ZPLD1: variants seen among roughly 807,000 people sequenced by gnomAD.
ZPLD1 encodes the protein zona pellucida like domain containing 1, also known as zona pellucida-like domain-containing protein 1.
A neutral mutation model predicts 47.2 loss-of-function variants in ZPLD1; 34 were observed. The ratio of observed to expected loss-of-function variants is 0.72; its 90% CI spans 0.55 to 0.96. ZPLD1 has a LOEUF of 0.96. Among genes scored for constraint, ZPLD1 ranks in the 40% least tolerant of loss-of-function variants. The probability of loss-of-function intolerance (pLI) is 0.00; values close to 1 mark genes in which losing one functional copy is unlikely to be tolerated. For missense variants in ZPLD1, 512 were observed against 505.8 expected (o/e 1.01, Z -0.12); for synonymous variants, 176 against 186.2 (o/e 0.95, Z 0.45).
chr3:102,389,706 T>C (rs1159834192), intron 6 of ZPLD1, among the ~76,000 whole-genome samples: 1 of 152,152 alleles, frequency 6.6e-6, no homozygotes, highest in African/African-American at 2.4e-5. Context: ...AGCTTTCTGG[T>C]TGTATAGCTT....
At chr3:102,403,712 A>T (rs1706650371) in intron 7 of ZPLD1, among the ~76,000 whole-genome samples, 1 of 151,942 alleles carries the variant, frequency 6.6e-6, no homozygotes, top group South Asian at 2.1e-4. Context: ...TAACTGTGGA[A>T]GTTGAAGTCA....
In ZPLD1 at chr3:102,479,236, G is replaced by A. The variant is rs941271231; in HGVS notation, c.*1618G>A. ...AAAAAGCCAATCTACTCTTCCCTGTGTTACTTTAAAATAACTTTGAAGTGA... is the reference window on the plus strand; with the variant it reads ...AAAAAGCCAATCTACTCTTCCCTGTATTACTTTAAAATAACTTTGAAGTGA... On this transcript the variant is annotated 3_prime_UTR_variant, in exon 12 of 12. Coordinates refer to ENST00000466937, the MANE Select transcript of ZPLD1 (RefSeq NM_001329788.2). The A allele has an allele frequency of 6.6e-6, 1 of 152,108 alleles. No homozygotes were observed. Among genetic ancestry groups the A allele is most frequent in the African/African-American group, 2.4e-5 (1 of 41,422 alleles). 9.4% of individuals were successfully genotyped at this position (152,108 alleles called of 1,614,324 possible).
rs539097445 is a variant in ZPLD1 at position 102,435,073 on chromosome 3, G to T, written c.-204G>T. The T allele has an allele frequency of 1.2e-6, 2 of 1,611,044 alleles. No homozygotes were observed. The highest frequency in any genetic ancestry group is 1.7e-6 in the Non-Finnish European group (2 of 1,177,276). On this transcript the variant is annotated 5_prime_UTR_variant, in exon 1 of 12. It adds an upstream start codon to the 5' untranslated region. Coordinates refer to ENST00000466937, the MANE Select transcript of ZPLD1 (RefSeq NM_001329788.2). ...CAATTCAATTTCAGAAAAGTATTTA[G>T]GGACTGTGCTAAAATAGCATCTCCA...
chr3:102,452,158 C>A (rs1449586835), intron 3 of ZPLD1, among the ~76,000 whole-genome samples: 1 of 144,434 alleles, frequency 6.9e-6, no homozygotes, highest in Non-Finnish European at 1.5e-5. Flanking sequence ...TGTGTGTGTG[C>A]TCACTTCTAT....
chr3:102,438,461 A>G lies in ZPLD1; in HGVS notation c.-8-19A>G, dbSNP rs1326154496. The G allele has an allele frequency of 6.3e-7, 1 of 1,580,756 alleles. No individual in the cohort carries two copies. The highest frequency in any genetic ancestry group is 8.7e-7 in the Non-Finnish European group (1 of 1,149,562). On this transcript the variant is annotated intron_variant, in intron 2 of 11. Transcript: ENST00000466937. ...GGAGTTAAGTGGGAGTGTCCACATGATAGATATCTCTTTTCCAGGTTTTGC... is the reference window on the plus strand; with the variant it reads ...GGAGTTAAGTGGGAGTGTCCACATGGTAGATATCTCTTTTCCAGGTTTTGC...
chr3:102,391,487 C>T (rs1027392646), intron 6 of ZPLD1, among the ~76,000 whole-genome samples: 4 of 151,872 alleles, frequency 2.6e-5, no homozygotes, highest in Non-Finnish European at 2.9e-5. Flanking sequence ...TTCTGAATCT[C>T]GGTATAAAAA....
intron 7 of ZPLD1, among the ~76,000 whole-genome samples, chr3:102,414,021 C>T (rs933548374): frequency 1.1e-4 from 16 of 151,624 alleles, no homozygotes; most frequent in Non-Finnish European, 2.1e-4. Context: ...GGAGAGGAGG[C>T]GAGCTGTGTG....
chr3:102,386,452 A>C (rs1706426585), intron 6 of ZPLD1, among the ~76,000 whole-genome samples: 1 of 152,078 alleles, frequency 6.6e-6, no homozygotes, highest in Non-Finnish European at 1.5e-5. Context: ...AGGCAAATTT[A>C]TTTTTGTATT....
chr3:102,472,095 C>T (rs1295374765), intron 10 of ZPLD1, among the ~76,000 whole-genome samples: 1 of 152,184 alleles, frequency 6.6e-6, no homozygotes, highest in Non-Finnish European at 1.5e-5. Flanking sequence ...AATTACTTTC[C>T]TCCCTGTGTT....
chr3:102,453,275 T>C, intron 4 of ZPLD1, 136 bp downstream of exon 4: 1 of 775,006 alleles, frequency 1.3e-6, no homozygotes, highest in Non-Finnish European at 2.0e-6. Context: ...CTTTGCCTGT[T>C]TGAGGCATGC....
In ZPLD1 at chr3:102,477,802, A is replaced by C; in HGVS notation, c.*184A>C. 1 of 494,584 alleles carries C rather than the reference A, an allele frequency of 2.0e-6. No homozygotes were observed. Among genetic ancestry groups the C allele is most frequent in the African/African-American group, 2.0e-5 (1 of 50,178 alleles). 30.6% of individuals were successfully genotyped at this position (494,584 alleles called of 1,614,324 possible). ...GTTTATTATATTGCTATTGTCACTT[A>C]TGTACGTGGCGAGCCGTATTTTTAT... On this transcript the variant is annotated 3_prime_UTR_variant, in exon 12 of 12. Transcript: ENST00000466937.
chr3:102,434,179 G>A (rs2107316881), upstream of ZPLD1, among the ~76,000 whole-genome samples: 1 of 152,110 alleles, frequency 6.6e-6, no homozygotes, highest in East Asian at 1.9e-4. Context: ...GTAATTAGTT[G>A]AATATTAAAC....
At chr3:102,422,385 G>C (rs1706891162) in intron 8 of ZPLD1, among the ~76,000 whole-genome samples, 1 of 152,050 alleles carries the variant, frequency 6.6e-6, no homozygotes, top group African/African-American at 2.4e-5. Context: ...CAAGGATGCT[G>C]TTAAATATCC....
chr3:102,440,574 G>C lies in ZPLD1; in HGVS notation c.106+1981G>C, dbSNP rs1038192435. On this transcript the variant is annotated intron_variant, in intron 3 of 11. Coordinates refer to ENST00000466937, the MANE Select transcript of ZPLD1 (RefSeq NM_001329788.2). ...ATATAGTGGCAGTTTCTTTTATTCAGTAGTAGGAAATACAGAGCTGGGTCT... is the reference window on the plus strand; with the variant it reads ...ATATAGTGGCAGTTTCTTTTATTCACTAGTAGGAAATACAGAGCTGGGTCT... 6.6e-5 allele frequency among the ~76,000 whole-genome samples: 10 copies of C among 152,110 alleles called. 2 individuals are homozygous for C. Among genetic ancestry groups the C allele is most frequent in the Non-Finnish European group, 1.5e-5 (1 of 68,024 alleles).
At chr3:102,398,422 T>C (rs759729151) in intron 7 of ZPLD1, among the ~76,000 whole-genome samples, 7 of 152,112 alleles carry the variant, frequency 4.6e-5, no homozygotes, top group Non-Finnish European at 7.4e-5. Flanking sequence ...AGGTGAGTCA[T>C]TCTCTTCTTT....
intron 6 of ZPLD1, 138 bp from the exon 7 acceptor site, chr3:102,462,143 C>A: frequency 1.9e-6 from 1 of 526,290 alleles, no homozygotes; most frequent in Non-Finnish European, 3.3e-6. Flanking sequence ...CAGAGGGTCA[C>A]GTAAATCCTT....
chr3:102,395,877 C>T (rs1257092186), intron 7 of ZPLD1, among the ~76,000 whole-genome samples: 1 of 152,108 alleles, frequency 6.6e-6, no homozygotes. Flanking sequence ...AAACTTGGAG[C>T]TCAAGTTTCC....
At chr3:102,397,850 C>G (rs1327844208) in intron 7 of ZPLD1, among the ~76,000 whole-genome samples, 1 of 152,168 alleles carries the variant, frequency 6.6e-6, no homozygotes, top group Non-Finnish European at 1.5e-5. Flanking sequence ...GCTGCCTTCA[C>G]TAATCATCAG....
intron 7 of ZPLD1, among the ~76,000 whole-genome samples, chr3:102,398,267 T>G (rs987823103): frequency 7.2e-5 from 11 of 152,116 alleles, no homozygotes; most frequent in Non-Finnish European, 1.2e-4. Flanking sequence ...CTTTAATATT[T>G]GAAGAAGGTC....
Sources: gnomAD v4.1 joint callset for allele counts (sites outside exome capture counted in the v4.1 genomes callset) on GRCh38, gnomAD v4.1.1 for gene constraint, MANE v1.5 for transcripts, NCBI Gene and HGNC (gene_info 2026-07-23, HGNC 2026-07-21) for gene names.